EYS: variants seen among roughly 807,000 people sequenced by gnomAD.
EYS encodes protein eyes shut homolog.
In EYS, 250 loss-of-function variants were observed where a neutral mutation model predicts 282.1. The ratio of observed to expected loss-of-function variants is 0.89; its 90% CI spans 0.80 to 0.98. EYS has a LOEUF of 0.98. Ranked by LOEUF, EYS falls within the 50% of genes least tolerant of loss-of-function variation. The probability of loss-of-function intolerance (pLI) is 0.00; values close to 1 mark genes in which losing one functional copy is unlikely to be tolerated. For synonymous variants in EYS, 1,355 were observed against 1,282.9 expected (o/e 1.06, Z -1.20); for missense variants, 4,016 against 3,709.0 (o/e 1.08, Z -2.15).
At chr6:65,278,609 G>T (rs886585718) in intron 12 of EYS, among the ~76,000 whole-genome samples, 1 of 151,796 alleles carries the variant, frequency 6.6e-6, no homozygotes, top group Non-Finnish European at 1.5e-5. Flanking sequence ...TACTGATAGG[G>T]TTTTGTTTTT....
rs572017442 is a variant in EYS, at chr6:63,932,326, T to C, written c.7055+52057A>G. On this transcript the variant is annotated intron_variant, in intron 35 of 42. Coordinates refer to ENST00000503581, the MANE Select transcript of EYS (RefSeq NM_001142800.2). ...CAGGTATCTCTTTAATATACTGATTTCCTTTTCTGCTTCTACTGAACATTA... is the reference window on the plus strand; with the variant it reads ...CAGGTATCTCTTTAATATACTGATTCCCTTTTCTGCTTCTACTGAACATTA... Among the ~76,000 whole-genome samples, 4 of 152,332 alleles carry C rather than the reference T, an allele frequency of 2.6e-5. No homozygotes were observed. The South Asian group carries it at 8.3e-4, about 32-fold the overall frequency.
chr6:65,394,939 T>C (rs539811689), intron 7 of EYS, among the ~76,000 whole-genome samples: 140 of 152,312 alleles, frequency 9.2e-4, no homozygotes, highest in Non-Finnish European at 1.6e-3. Context: ...CATCAAACCA[T>C]GCTACCCATA....
chr6:65,640,454 T>C (rs1180332656), intron 1 of EYS, among the ~76,000 whole-genome samples: 1 of 152,178 alleles, frequency 6.6e-6, no homozygotes, highest in Non-Finnish European at 1.5e-5. Flanking sequence ...TTTTAATACA[T>C]AGGCTATCCG....
intron 30 of EYS, among the ~76,000 whole-genome samples, chr6:64,254,477 C>T (rs1217144860): frequency 2.0e-5 from 3 of 151,962 alleles, no homozygotes; most frequent in Non-Finnish European, 4.4e-5. Flanking sequence ...CTATTTGGCC[C>T]AAAGGGAAGT....
At chr6:64,614,958 C>T (rs1017218637) in intron 24 of EYS, among the ~76,000 whole-genome samples, 2 of 152,034 alleles carry the variant, frequency 1.3e-5, no homozygotes, top group Non-Finnish European at 2.9e-5. Context: ...GTGTTGTCTT[C>T]GTCCTTCAGG....
intron 22 of EYS, among the ~76,000 whole-genome samples, chr6:64,797,797 C>T (rs1482703939): frequency 2.0e-5 from 3 of 151,922 alleles, no homozygotes; most frequent in Admixed American, 2.0e-4. Context: ...TCCTAATCCT[C>T]CATGTAAATC....
intron 23 of EYS, among the ~76,000 whole-genome samples, chr6:64,623,407 T>A (rs1452630595): frequency 6.6e-6 from 1 of 152,168 alleles, no homozygotes; most frequent in Non-Finnish European, 1.5e-5. Context: ...CATTACCCAG[T>A]GGTTCTGGGA....
At chr6:64,821,577 C>A in intron 21 of EYS, 68 bp downstream of exon 21, 2 of 791,268 alleles carry the variant, frequency 2.5e-6, no homozygotes, top group Non-Finnish European at 2.1e-6. Context: ...AAACCTACAG[C>A]AAGCAATTTG....
intron 9 of EYS, among the ~76,000 whole-genome samples, chr6:65,351,993 A>T (rs1347964162): frequency 6.6e-6 from 1 of 151,810 alleles, no homozygotes; most frequent in Non-Finnish European, 1.5e-5. Flanking sequence ...TGATTGTGTC[A>T]TTTATAAAAT....
intron 19 of EYS, among the ~76,000 whole-genome samples, chr6:64,877,940 A>C (rs1441866728): frequency 6.6e-6 from 1 of 152,188 alleles, no homozygotes; most frequent in Non-Finnish European, 1.5e-5. Flanking sequence ...ACTTTCCTTA[A>C]CAATAAATGA....
intron 13 of EYS, among the ~76,000 whole-genome samples, chr6:65,019,271 A>C (rs993871091): frequency 4.6e-5 from 7 of 152,182 alleles, no homozygotes; most frequent in Non-Finnish European, 8.8e-5. Flanking sequence ...CACGTTTCTA[A>C]AAATATTTAA....
chr6:63,776,534 A>G (rs1160530739), intron 40 of EYS, among the ~76,000 whole-genome samples: 2 of 152,220 alleles, frequency 1.3e-5, no homozygotes, highest in Non-Finnish European at 2.9e-5. Context: ...AGTGAGGAGC[A>G]ATGGAAATAA....
At chr6:65,194,354 A>C (rs963076695) in intron 12 of EYS, among the ~76,000 whole-genome samples, 1 of 152,000 alleles carries the variant, frequency 6.6e-6, no homozygotes, top group Non-Finnish European at 1.5e-5. Context: ...ACTTATAACT[A>C]TCTACCTGAA....
intron 22 of EYS, among the ~76,000 whole-genome samples, chr6:64,770,972 CA>C (rs1360079757): frequency 3.3e-5 from 5 of 151,612 alleles, no homozygotes; most frequent in Non-Finnish European, 5.9e-5. Context: ...TCCAAATTGC[CA>C]AATACAATTG....
intron 22 of EYS, among the ~76,000 whole-genome samples, chr6:64,707,667 A>G (rs1417702231): frequency 6.9e-6 from 1 of 145,186 alleles, no homozygotes; most frequent in Non-Finnish European, 1.5e-5. Flanking sequence ...TCGTATCAAA[A>G]AAAAAAAAAA....
At chr6:65,414,654 G>T (rs1252274422) in intron 5 of EYS, among the ~76,000 whole-genome samples, 2 of 152,012 alleles carry the variant, frequency 1.3e-5, no homozygotes, top group Non-Finnish European at 2.9e-5. Flanking sequence ...TTTAAGGGAA[G>T]AAATCAGAAT....
chr6:64,676,752 G>A lies in EYS; in HGVS notation c.3444-50507C>T, dbSNP rs111425057. 5.8e-3 allele frequency among the ~76,000 whole-genome samples: 885 copies of A among 152,172 alleles called. 3 individuals are homozygous for A. Among genetic ancestry groups the A allele is most frequent in the Non-Finnish European group, 9.9e-3 (672 of 67,994 alleles). ...CAGACTCAGTGTCTGGTGAGGGCCC[G>A]CTTCTTCATAGATGGCCTTCTTTTC... is the stretch of plus-strand genomic sequence containing the variant. On this transcript the variant is annotated intron_variant, in intron 22 of 42. Coordinates refer to ENST00000503581, the MANE Select transcript of EYS (RefSeq NM_001142800.2).
intron 29 of EYS, among the ~76,000 whole-genome samples, chr6:64,373,483 G>C (rs1452428736): frequency 1.3e-5 from 2 of 152,188 alleles, no homozygotes; most frequent in Non-Finnish European, 2.9e-5. Flanking sequence ...AGAGGATTGT[G>C]CCTGCATGCA....
chr6:65,560,693 G>C (rs964884491), intron 2 of EYS, among the ~76,000 whole-genome samples: 7 of 151,744 alleles, frequency 4.6e-5, no homozygotes, highest in Non-Finnish European at 1.0e-4. Flanking sequence ...CAACTTTTAA[G>C]TTAAAGCATA....
Sources: gnomAD v4.1 joint callset for allele counts (sites outside exome capture counted in the v4.1 genomes callset) on GRCh38, gnomAD v4.1.1 for gene constraint, MANE v1.5 for transcripts, NCBI Gene and HGNC (gene_info 2026-07-23, HGNC 2026-07-21) for gene names.